The following ARHGEF38 variants were observed in gnomAD, a reference collection of about 807,000 sequenced individuals.
ARHGEF38 encodes Rho guanine nucleotide exchange factor 38.
In ARHGEF38, 79 loss-of-function variants were observed where a neutral mutation model predicts 79.9. That is an observed-to-expected ratio of 0.99 (90% CI 0.82 to 1.19). The LOEUF (loss-of-function observed/expected upper bound fraction) is 1.19, where lower values mean the gene tolerates loss of function less well. ARHGEF38 is among the 50% of genes most tolerant of loss of function. ARHGEF38 has a pLI of 0.00. For missense variants in ARHGEF38, 962 were observed against 907.2 expected, an observed-to-expected ratio of 1.06 and a Z score of -0.78; for synonymous variants, 366 against 328.3, an observed-to-expected ratio of 1.11 and a Z score of -1.24.
At chr4:105,625,913 C>T (rs1374262552) in intron 3 of ARHGEF38, among the ~76,000 whole-genome samples, 1 of 152,048 alleles carries the variant, frequency 6.6e-6, no homozygotes. Flanking sequence ...GTGGCTATGC[C>T]TTCTCAGGCT....
chr4:105,577,010 A>G (rs77369200), intron 1 of ARHGEF38, among the ~76,000 whole-genome samples: 4,098 of 152,206 alleles, frequency 0.027, 190 homozygotes, highest in African/African-American at 0.092. Flanking sequence ...TGTTAGATTC[A>G]GCTAGCTAGT....
At chr4:105,670,232 T>C (rs1162640147) in intron 13 of ARHGEF38, among the ~76,000 whole-genome samples, 2 of 152,184 alleles carry the variant, frequency 1.3e-5, no homozygotes, top group Non-Finnish European at 2.9e-5. Flanking sequence ...GGGCGCACCA[T>C]TTTAGATTCC....
chr4:105,669,256 C>A (rs1199064717), intron 13 of ARHGEF38, among the ~76,000 whole-genome samples: 1 of 149,812 alleles, frequency 6.7e-6, no homozygotes, highest in Non-Finnish European at 1.5e-5. Flanking sequence ...AAATAGCTAT[C>A]TTATTCCTTA....
intron 3 of ARHGEF38, among the ~76,000 whole-genome samples, chr4:105,622,869 A>G (rs1728794395): frequency 6.6e-6 from 1 of 152,104 alleles, no homozygotes; most frequent in Admixed American, 6.6e-5. Flanking sequence ...ATGTTATTTC[A>G]TTTCACATAC....
intron 13 of ARHGEF38, among the ~76,000 whole-genome samples, chr4:105,669,813 C>T (rs1195152160): frequency 6.6e-6 from 1 of 152,164 alleles, no homozygotes; most frequent in Non-Finnish European, 1.5e-5. Flanking sequence ...CCACCCCTAA[C>T]CCCAGGGAAC....
chr4:105,593,717 G>A (rs954867670), intron 2 of ARHGEF38, among the ~76,000 whole-genome samples: 3 of 152,140 alleles, frequency 2.0e-5, no homozygotes, highest in African/African-American at 7.2e-5. Context: ...GAATGTCATT[G>A]ATAGCTGTAT....
At chr4:105,627,600 G>T (rs1397381327) in intron 3 of ARHGEF38, among the ~76,000 whole-genome samples, 2 of 152,072 alleles carry the variant, frequency 1.3e-5, no homozygotes, top group Non-Finnish European at 2.9e-5. Context: ...AAATTCTTGG[G>T]TTGTAGAATT....
intron 13 of ARHGEF38, among the ~76,000 whole-genome samples, chr4:105,668,772 G>T (rs1043728546): frequency 6.6e-6 from 1 of 152,168 alleles, no homozygotes; most frequent in African/African-American, 2.4e-5. Flanking sequence ...AGTAAGCTGG[G>T]CTTGGTGGCT....
At chr4:105,632,625 A>G (rs1729242269) in intron 4 of ARHGEF38, 1 of 152,212 alleles carries the variant, frequency 6.6e-6, no homozygotes, top group Non-Finnish European at 1.5e-5. Flanking sequence ...TCCTACCTTA[A>G]ACAAGTGGCA....
At chr4:105,577,153 A>AGGTTAGTTACATATGTATACATGTGCC (rs1726544379) in intron 1 of ARHGEF38, among the ~76,000 whole-genome samples, 1 of 150,976 alleles carries the variant, frequency 6.6e-6, no homozygotes, top group Non-Finnish European at 1.5e-5. Flanking sequence ...CACAATGTGC[A>AGGTTAGTTACATATGTATACATGTGCC]GGTTAGTTAC....
intron 1 of ARHGEF38, among the ~76,000 whole-genome samples, chr4:105,587,872 C>T (rs1476781566): frequency 2.6e-5 from 4 of 152,094 alleles, no homozygotes; most frequent in Admixed American, 6.6e-5. Context: ...GATTGGTAGG[C>T]GATAAATGGT....
At chr4:105,570,227 A>G (rs1726152241) in intron 1 of ARHGEF38, 1 of 152,226 alleles carries the variant, frequency 6.6e-6, no homozygotes, top group Non-Finnish European at 1.5e-5. Flanking sequence ...TAAATAATGC[A>G]TATTTTAAAA....
intron 5 of ARHGEF38, 114 bp from the exon 6 acceptor site, chr4:105,645,074 T>G (rs146360377): frequency 4.6e-6 from 4 of 873,056 alleles, no homozygotes; most frequent in Non-Finnish European, 6.2e-6. Context: ...ATTTTAGATA[T>G]ACAAATGAAA....
Position 105,678,151 on chromosome 4 carries a change from A to T in ARHGEF38, c.*214A>T. ...GTTGAAAGAAATACTAAGCCAACAG[A>T]AATAGCAAAGCAAATGACCCAAGCT... On this transcript the variant is annotated 3_prime_UTR_variant, in exon 14 of 14. Coordinates refer to ENST00000420470, the MANE Select transcript of ARHGEF38 (RefSeq NM_001242729.2). 2.6e-6 allele frequency: 1 copy of T among 388,436 alleles called. No homozygotes were observed. The allele number at this position is 388,436 out of a possible 1,614,324, so 24.1% of individuals were successfully genotyped here.
rs1462561585 is a variant in ARHGEF38, at chr4:105,655,723, G to A, written c.1233+1G>A. 1 of 1,533,324 alleles carries A rather than the reference G, an allele frequency of 6.5e-7. No homozygotes were observed. Among genetic ancestry groups the A allele is most frequent in the African/African-American group, 1.4e-5 (1 of 72,972 alleles). The allele number at this position is 1,533,324 out of a possible 1,614,324, so 95.0% of individuals were successfully genotyped here. On this transcript the variant is annotated splice_donor_variant, in intron 9 of 13. Transcript: ENST00000420470. LOFTEE classifies it high-confidence loss of function. ...TGCCTTAAATTCGTGTCATGACTTT[G>A]TAAGTTATTTATATTCACAGATAAA...
chr4:105,669,987 G>A (rs143977398), intron 13 of ARHGEF38, among the ~76,000 whole-genome samples: 270 of 151,878 alleles, frequency 1.8e-3, no homozygotes, highest in Non-Finnish European at 3.4e-3. Flanking sequence ...GCTTTTTATC[G>A]CCTACTAATA....
intron 3 of ARHGEF38, among the ~76,000 whole-genome samples, chr4:105,621,318 T>C (rs1461514976): frequency 6.6e-6 from 1 of 152,254 alleles, no homozygotes; most frequent in Non-Finnish European, 1.5e-5. Context: ...AATAGTCCTC[T>C]TATATGTGTT....
intron 1 of ARHGEF38, chr4:105,570,046 T>G (rs10019722): frequency 0.97 from 147,788 of 152,222 alleles, 71,744 homozygotes; most frequent in East Asian, 1. Flanking sequence ...ACAGTTCCAG[T>G]CAGGGAGTGA....
At chr4:105,643,399 C>T (rs1053851162) in intron 5 of ARHGEF38, among the ~76,000 whole-genome samples, 4 of 151,982 alleles carry the variant, frequency 2.6e-5, no homozygotes, top group African/African-American at 9.7e-5. Flanking sequence ...CTCTTTACTC[C>T]CTTGCAGACC....
Sources: allele counts gnomAD v4.1 joint callset (sites outside exome capture counted in the v4.1 genomes callset), GRCh38; gene constraint gnomAD v4.1.1; transcripts MANE v1.5; gene names NCBI Gene and HGNC (gene_info 2026-07-23, HGNC 2026-07-21).